Variants in DRC8 observed in about 807,000 individuals in gnomAD.
The protein encoded by DRC8 is dynein regulatory complex subunit 8.
the DRC8 span, among the ~76,000 whole-genome samples, chr1:245,081,163 A>C: frequency 4.7e-5 from 7 of 147,626 alleles, no homozygotes; most frequent in Non-Finnish European, 7.5e-5. Context: ...TTATTTATCT[A>C]TATATATATA....
At chr1:245,016,679 T>G in the DRC8 span, among the ~76,000 whole-genome samples, 1 of 152,246 alleles carries the variant, frequency 6.6e-6, no homozygotes, top group East Asian at 1.9e-4. Flanking sequence ...ACTAGGTAAC[T>G]GTTTACTGAA....
the DRC8 span, among the ~76,000 whole-genome samples, chr1:245,080,467 A>G: frequency 2.0e-5 from 3 of 152,168 alleles, no homozygotes; most frequent in African/African-American, 7.2e-5. Flanking sequence ...ATGATTTAAG[A>G]TGTAGTTGGT....
chr1:244,970,030 G>C, the DRC8 span: 1 of 602,914 alleles, frequency 1.7e-6, no homozygotes, highest in African/African-American at 2.0e-5. Context: ...AAACAGGACA[G>C]GAGGGGGCGA....
the DRC8 span, among the ~76,000 whole-genome samples, chr1:245,100,252 G>T: frequency 6.6e-6 from 1 of 152,252 alleles, no homozygotes; most frequent in East Asian, 1.9e-4. Flanking sequence ...GGACATAGCG[G>T]CATGTGCCTG....
At chr1:245,063,701 C>T in the DRC8 span, among the ~76,000 whole-genome samples, 2 of 152,152 alleles carry the variant, frequency 1.3e-5, no homozygotes, top group African/African-American at 4.8e-5. Flanking sequence ...CACTGCTCTG[C>T]AGCCTGGGTA....
chr1:245,111,683 G>A, the DRC8 span, among the ~76,000 whole-genome samples: 1 of 152,158 alleles, frequency 6.6e-6, no homozygotes, highest in African/African-American at 2.4e-5. Context: ...CCCACCTAAA[G>A]TTTAAGGGGT....
At chr1:245,066,804 G>A in the DRC8 span, among the ~76,000 whole-genome samples, 1,196 of 152,140 alleles carry the variant, frequency 7.9e-3, 15 homozygotes, top group African/African-American at 0.028. Flanking sequence ...CTACTCGGGA[G>A]GCTGAGGCAG....
chr1:244,992,465 G>A, the DRC8 span, among the ~76,000 whole-genome samples: 3 of 152,182 alleles, frequency 2.0e-5, no homozygotes, highest in African/African-American at 7.2e-5. Flanking sequence ...AAGGCTGGGC[G>A]CAGTGGCTCA....
chr1:245,040,543 T>A, the DRC8 span, among the ~76,000 whole-genome samples: 21 of 152,184 alleles, frequency 1.4e-4, no homozygotes, highest in South Asian at 4.1e-4. Context: ...TCCTTATTTT[T>A]AAAATAGGGA....
chr1:245,056,050 T>TTAATTTAAAATGTATG, the DRC8 span, among the ~76,000 whole-genome samples: 3 of 152,122 alleles, frequency 2.0e-5, no homozygotes, highest in African/African-American at 7.2e-5. Flanking sequence ...ACTAAGTTAC[T>TTAATTTAAAATGTATG]TAATTTAAAA....
At chr1:245,043,632 A>G in the DRC8 span, among the ~76,000 whole-genome samples, 3 of 152,290 alleles carry the variant, frequency 2.0e-5, no homozygotes, top group African/African-American at 4.8e-5. Flanking sequence ...TTTCAAGAGT[A>G]GTATTTGATT....
At chr1:245,013,674 T>C in the DRC8 span, among the ~76,000 whole-genome samples, 2 of 152,132 alleles carry the variant, frequency 1.3e-5, no homozygotes, top group African/African-American at 4.8e-5. Context: ...TGAATATTTA[T>C]TGAGAATGAA....
At chr1:245,007,449 A>T in the DRC8 span, among the ~76,000 whole-genome samples, 2 of 152,222 alleles carry the variant, frequency 1.3e-5, no homozygotes, top group Non-Finnish European at 2.9e-5. Context: ...ATTTTTAAAG[A>T]TGTCATAATA....
At chr1:245,048,104 G>A in the DRC8 span, among the ~76,000 whole-genome samples, 1 of 152,114 alleles carries the variant, frequency 6.6e-6, no homozygotes, top group South Asian at 2.1e-4. Context: ...AGGAAGAGGG[G>A]TTGGTCTTGT....
the DRC8 span, among the ~76,000 whole-genome samples, chr1:244,985,854 A>C: frequency 9.2e-6 from 1 of 108,150 alleles, no homozygotes; most frequent in African/African-American, 3.1e-5. Flanking sequence ...ACAGAGGGAG[A>C]CTCCATCTCA....
At chr1:245,076,939 A>G in the DRC8 span, among the ~76,000 whole-genome samples, 1 of 151,888 alleles carries the variant, frequency 6.6e-6, no homozygotes, top group Non-Finnish European at 1.5e-5. Flanking sequence ...GTTGGCCAGG[A>G]TGGTCTCGAT....
the DRC8 span, among the ~76,000 whole-genome samples, chr1:245,099,501 A>G: frequency 0.038 from 5,748 of 152,238 alleles, 238 homozygotes; most frequent in African/African-American, 0.095. Context: ...CCCCGACACC[A>G]GGCCACAGGC....
the DRC8 span, among the ~76,000 whole-genome samples, chr1:245,021,882 C>T: frequency 6.6e-6 from 1 of 152,088 alleles, no homozygotes. Flanking sequence ...TTTATGTTGC[C>T]CAGGCTGACC....
the DRC8 span, among the ~76,000 whole-genome samples, chr1:244,976,782 C>T: frequency 1.3e-4 from 20 of 152,174 alleles, no homozygotes; most frequent in Admixed American, 1.0e-3. Flanking sequence ...AGCAGTTCCA[C>T]GTGTGGGTAT....
Sources: allele counts gnomAD v4.1 joint callset (sites outside exome capture counted in the v4.1 genomes callset), GRCh38; gene constraint gnomAD v4.1.1; transcripts MANE v1.5; gene names NCBI Gene and HGNC (gene_info 2026-07-23, HGNC 2026-07-21).